CFTR: variants seen among roughly 807,000 people sequenced by gnomAD.
CFTR encodes cystic fibrosis transmembrane conductance regulator.
Under a neutral mutation model 171.6 loss-of-function variants are expected in CFTR, and 181 were observed. That is an observed-to-expected ratio of 1.05 (90% CI 0.93 to 1.19). CFTR has a LOEUF of 1.19. Ranked by LOEUF, CFTR falls within the 50% of genes most tolerant of loss-of-function variation. The probability of loss-of-function intolerance (pLI) is 0.00; values close to 1 mark genes in which losing one functional copy is unlikely to be tolerated. For missense variants in CFTR, 1,968 were observed against 1,734.7 expected (o/e 1.13, Z -2.39); for synonymous variants, 583 against 608.0 (o/e 0.96, Z 0.60).
At position 117,592,338 on chromosome 7, in the gene CFTR, T is replaced by C; in HGVS notation, c.2171T>C (p.Ile724Thr). ...AAGACTCCCTTACAAATGAATGGCATCGAAGAGGATTCTGATGAGCCTTTA... is the reference window on the plus strand; with the variant it reads ...AAGACTCCCTTACAAATGAATGGCACCGAAGAGGATTCTGATGAGCCTTTA... ...VQKTPLQMNG[I>T]EEDSDEPLER... The change falls in exon 14 of 27, where the codon ATC (isoleucine) becomes ACC (threonine). Residue 724 changes from isoleucine to threonine, a missense_variant. Coordinates refer to ENST00000003084, the MANE Select transcript of CFTR (RefSeq NM_000492.4). 6.2e-7 allele frequency: 1 copy of C among 1,614,198 alleles called. No individual in the cohort carries two copies. Among genetic ancestry groups the C allele is most frequent in the Non-Finnish European group, 8.5e-7 (1 of 1,180,040 alleles).
intron 1 of CFTR, among the ~76,000 whole-genome samples, chr7:117,484,987 C>G (rs1049718026): frequency 5.3e-5 from 8 of 152,200 alleles, no homozygotes; most frequent in African/African-American, 1.9e-4. Context: ...CAAAATATCC[C>G]TCAGAGCTAA....
chr7:117,566,367 G>A (rs1365725099), intron 11 of CFTR, among the ~76,000 whole-genome samples: 1 of 151,976 alleles, frequency 6.6e-6, no homozygotes, highest in Admixed American at 6.6e-5. Flanking sequence ...CCCAGAAGGC[G>A]GAGGTTGCTG....
chr7:117,520,396 G>C (rs1198668537), intron 3 of CFTR, among the ~76,000 whole-genome samples: 2 of 150,734 alleles, frequency 1.3e-5, no homozygotes, highest in African/African-American at 4.9e-5. Flanking sequence ...CAAATATTAT[G>C]TAAGCATGCA....
At chr7:117,637,474 C>T (rs781160306) in intron 22 of CFTR, among the ~76,000 whole-genome samples, 12 of 151,934 alleles carry the variant, frequency 7.9e-5, no homozygotes, top group Non-Finnish European at 1.5e-4. Flanking sequence ...CTAGTGTGAG[C>T]GGGAGTTGAG....
At position 117,652,820 on chromosome 7, in the gene CFTR, CTTCTT is replaced by C. The variant is rs1339100336; in HGVS notation, c.3874-14_3874-10del. 4.3e-6 allele frequency: 5 copies of C among 1,158,694 alleles called. No homozygotes were observed. In the Admixed American group the frequency reaches 8.7e-5, roughly 20 times the overall value. The allele number at this position is 1,158,694 out of a possible 1,614,324, so 71.8% of individuals were successfully genotyped here. A position where few individuals can be genotyped will look rare whatever the true frequency, so the allele number is the denominator to read the frequency against. ...TTATTTAAGTTATTCATACTTTCTTCTTCTTTTCTTTTTTGCTATAGAAAGTATTT... is the reference window on the plus strand; with the variant it reads ...TTATTTAAGTTATTCATACTTTCTTCTTCTTTTTTGCTATAGAAAGTATTT... On this transcript the variant is annotated splice_polypyrimidine_tract_variant and intron_variant, in intron 23 of 26. Transcript: ENST00000003084.
rs371776722 is a variant in CFTR, at chr7:117,657,719, T to C, written c.3963+4788T>C. ...CTCTCTTTGTCCTTGCCATGACTAGTATCTCTAGAGGTAAATGAACAGAGT... is the reference window on the plus strand; with the variant it reads ...CTCTCTTTGTCCTTGCCATGACTAGCATCTCTAGAGGTAAATGAACAGAGT... On this transcript the variant is annotated intron_variant, in intron 24 of 26. Coordinates refer to ENST00000003084, the MANE Select transcript of CFTR (RefSeq NM_000492.4). Among the ~76,000 whole-genome samples the C allele has an allele frequency of 1.2e-4, 18 of 152,310 alleles. No homozygotes were observed. The East Asian group carries it at 2.3e-3, about 20-fold the overall frequency.
At chr7:117,572,353 T>C (rs1005854965) in intron 11 of CFTR, among the ~76,000 whole-genome samples, 1 of 152,150 alleles carries the variant, frequency 6.6e-6, no homozygotes, top group Admixed American at 6.6e-5. Context: ...TGCTTTCTAG[T>C]GGTGATTAAT....
In CFTR at chr7:117,536,665, C is replaced by G. The variant is rs112162204; in HGVS notation, c.861C>G (p.Asn287Lys). The part of the protein sequence containing the change: ...WEEAMEKMIE[N>K]LRQTELKLTR... The stretch of plus-strand genomic sequence containing the variant: ...AAGCAATGGAAAAAATGATTGAAAA[C>G]TTAAGACAGTAAGTTGTTCCAATAA... The change falls in exon 7 of 27, where the codon AAC becomes AAG. Residue 287 changes from asparagine (N) to lysine (K), a missense_variant. By Grantham distance (94) the Asn-to-Lys change is moderately conservative. Coordinates refer to ENST00000003084, the MANE Select transcript of CFTR (RefSeq NM_000492.4). The G allele has an allele frequency of 3.2e-5, 52 of 1,610,920 alleles. No homozygotes were observed. The East Asian group carries it at 9.6e-4, about 30-fold the overall frequency.
chr7:117,551,900 A>G (rs1448737925), intron 10 of CFTR, among the ~76,000 whole-genome samples: 1 of 152,074 alleles, frequency 6.6e-6, no homozygotes, highest in Non-Finnish European at 1.5e-5. Context: ...TTGCCTCACT[A>G]TGGTACTGAG....
intron 11 of CFTR, among the ~76,000 whole-genome samples, chr7:117,573,034 C>A (rs1350929339): frequency 7.4e-6 from 1 of 135,144 alleles, no homozygotes; most frequent in African/African-American, 2.7e-5. Flanking sequence ...ACACTCCACC[C>A]TTTCTCTCTC....
chr7:117,573,285 A>G (rs562145507), intron 11 of CFTR, among the ~76,000 whole-genome samples: 1 of 152,318 alleles, frequency 6.6e-6, no homozygotes, highest in Non-Finnish European at 1.5e-5. Context: ...TTAATAATAA[A>G]GTAAGTTAAT....
intron 15 of CFTR, 149 bp from the exon 16 acceptor site, chr7:117,602,677 C>T (rs561647599): frequency 1.3e-6 from 1 of 781,790 alleles, no homozygotes; most frequent in African/African-American, 1.7e-5. Flanking sequence ...GCTGCTGGAC[C>T]CAGGAACACA....
chr7:117,650,531 C>T (rs1288308186), intron 23 of CFTR, among the ~76,000 whole-genome samples: 1 of 152,126 alleles, frequency 6.6e-6, no homozygotes, highest in Non-Finnish European at 1.5e-5. Flanking sequence ...GCCACATTGC[C>T]TTTCATAACT....
Position 117,539,932 on chromosome 7 carries a change from A to G in CFTR, c.870-168A>G, listed in dbSNP as rs115770955. 0.017 allele frequency among the ~76,000 whole-genome samples: 2,513 copies of G among 152,236 alleles called. 59 individuals are homozygous for G. Among genetic ancestry groups the G allele is most frequent in the African/African-American group, 0.057 (2,347 of 41,536 alleles). On this transcript the variant is annotated intron_variant, in intron 7 of 26. Transcript: ENST00000003084. ...TTCATATAAGGTAACTGAGGCCCAG[A>G]GAGATTAAATAACATGCCCAAGGTC...
intron 10 of CFTR, among the ~76,000 whole-genome samples, chr7:117,554,122 G>C (rs560404847): frequency 6.6e-6 from 1 of 152,268 alleles, no homozygotes; most frequent in South Asian, 2.1e-4. Context: ...TTAAACAGAA[G>C]TAACAGGGCC....
At chr7:117,517,578 G>T (rs990807450) in intron 3 of CFTR, among the ~76,000 whole-genome samples, 1 of 152,152 alleles carries the variant, frequency 6.6e-6, no homozygotes, top group African/African-American at 2.4e-5. Flanking sequence ...ACCCAGTAAT[G>T]GGATTGCTGG....
rs121908755 is a variant in CFTR at position 117,587,800 on chromosome 7, G to A, written c.1646G>A (p.Ser549Asn). Residue 549 changes from serine to asparagine, a missense_variant, in exon 12 of 27, where the codon AGT (serine) becomes AAT (asparagine). Physicochemically the swap from Ser to Asn is conservative, Grantham distance 46 (BLOSUM62 1). Transcript: ENST00000003084. ...IVLGEGGITLSGGQRARISLA... is the reference protein window; with the variant it reads ...IVLGEGGITLNGGQRARISLA... Reference sequence around the variant, plus strand: ...CTTGGAGAAGGTGGAATCACACTGAGTGGAGGTCAACGAGCAAGAATTTCT... The same window carrying A: ...CTTGGAGAAGGTGGAATCACACTGAATGGAGGTCAACGAGCAAGAATTTCT... The A allele has an allele frequency of 4.0e-5, 64 of 1,611,174 alleles. No individual in the cohort carries two copies. Among genetic ancestry groups the A allele is most frequent in the South Asian group, 2.2e-4 (20 of 91,044 alleles).
rs397508470 is a variant in CFTR at position 117,610,518 on chromosome 7, G to A, written c.2989-1G>A. On this transcript the variant is annotated splice_acceptor_variant, in intron 18 of 26. Transcript: ENST00000003084. LOFTEE classifies it high-confidence loss of function. ...CCAACATGTTTTCTTTGATCTTACA[G>A]TTGTTATTAATTGTGATTGGAGCTA... is the stretch of plus-strand genomic sequence containing the variant. 1 of 1,612,238 alleles carries A rather than the reference G, an allele frequency of 6.2e-7. No individual in the cohort carries two copies.
intron 1 of CFTR, among the ~76,000 whole-genome samples, chr7:117,497,584 T>C (rs1798259402): frequency 6.6e-6 from 1 of 152,180 alleles, no homozygotes; most frequent in African/African-American, 2.4e-5. Flanking sequence ...TAGGGCTGTG[T>C]TTTCTTCTTA....
Sources: gnomAD v4.1 joint callset for allele counts (sites outside exome capture counted in the v4.1 genomes callset) on GRCh38, gnomAD v4.1.1 for gene constraint, MANE v1.5 for transcripts, NCBI Gene and HGNC (gene_info 2026-07-23, HGNC 2026-07-21) for gene names.